Variants in MCMBP observed in about 807,000 individuals in gnomAD.
MCMBP encodes the protein mini-chromosome maintenance complex-binding protein.
A neutral mutation model predicts 81.3 loss-of-function variants in MCMBP; 31 were observed. The observed-to-expected ratio is 0.38, with a 90% CI of 0.29 to 0.51. The LOEUF (loss-of-function observed/expected upper bound fraction) is 0.51, where lower values mean the gene tolerates loss of function less well. Ranked by LOEUF, MCMBP falls within the 20% of genes least tolerant of loss-of-function variation. MCMBP has a pLI of 0.87. For synonymous variants in MCMBP, 267 were observed against 275.9 expected (o/e 0.97, Z 0.32); for missense variants, 645 against 772.1 (o/e 0.84, Z 1.95).
intron 13 of MCMBP, among the ~76,000 whole-genome samples, chr10:119,836,202 T>C (rs1252521492): frequency 6.6e-6 from 1 of 152,252 alleles, no homozygotes; most frequent in African/African-American, 2.4e-5. Flanking sequence ...AAGCTTTTTC[T>C]TGGTTACTTA....
At position 119,847,677 on chromosome 10, in the gene MCMBP, T is replaced by C; in HGVS notation, c.763A>G (p.Ile255Val). Reference protein sequence around the residue: ...EDWDCFKVNDILELYGILSVD... With the variant: ...EDWDCFKVNDVLELYGILSVD... ...GACAGTATGCCATATAGCTCAAGAATGTCATTTACTTTGAAACAATCCCAA... is the reference window on the plus strand; with the variant it reads ...GACAGTATGCCATATAGCTCAAGAACGTCATTTACTTTGAAACAATCCCAA... Residue 255 changes from isoleucine (I) to valine (V), a missense_variant, in exon 8 of 16, where the codon ATT becomes GTT. Transcript: ENST00000369077. 6.2e-7 allele frequency: 1 copy of C among 1,611,640 alleles called. No homozygotes were observed. Among genetic ancestry groups the C allele is most frequent in the Admixed American group, 1.7e-5 (1 of 59,970 alleles).
chr10:119,842,408 T>G (rs1852463901), intron 10 of MCMBP, 64 bp downstream of exon 10: 1 of 1,542,630 alleles, frequency 6.5e-7, no homozygotes, highest in Admixed American at 2.0e-5. Context: ...ACCAGCAATC[T>G]TCCCGCTCTT....
In MCMBP at chr10:119,830,022, A is replaced by G. The variant is rs1851948167; in HGVS notation, c.*1452T>C. The G allele has an allele frequency of 6.5e-6, 1 of 152,692 alleles. No homozygotes were observed. The highest frequency in any genetic ancestry group is 1.5e-5 in the Non-Finnish European group (1 of 68,046). 9.5% of individuals were successfully genotyped at this position (152,692 alleles called of 1,614,324 possible). A position where few individuals can be genotyped will look rare whatever the true frequency, so the allele number is the denominator to read the frequency against. On this transcript the variant is annotated 3_prime_UTR_variant, in exon 16 of 16. Coordinates refer to ENST00000369077, the MANE Select transcript of MCMBP (RefSeq NM_001256378.2). ...TAAAAGTTTAAGGAAGGTCTAGTCT[A>G]CCAGTTATAAAAATGAAAACCAGTT...
chr10:119,842,543 C>A lies in MCMBP; in HGVS notation c.1053G>T (p.Gly351=). Residue 351 remains glycine, a synonymous_variant, in exon 10 of 16, where the codon GGG becomes GGT. Coordinates refer to ENST00000369077, the MANE Select transcript of MCMBP (RefSeq NM_001256378.2). ...ELSPVRAELL[G]FLTHALLGDS... ...CCCCCAGAAGGGCATGAGTAAGGAA[C>A]CCAAGAAGTTCTGCTCTGACTGGAG... is the stretch of plus-strand genomic sequence containing the variant. 6.2e-7 allele frequency: 1 copy of A among 1,613,888 alleles called. No individual in the cohort carries two copies. The highest frequency in any genetic ancestry group is 1.1e-5 in the South Asian group (1 of 91,074).
Position 119,843,404 on chromosome 10 carries a change from G to T in MCMBP, c.850C>A (p.Pro284Thr). ...DERDASALLD[P>T]MECTDTAEEQ... The stretch of plus-strand genomic sequence containing the variant: ...TCTGCTGTGTCTGTGCACTCCATCG[G>T]ATCCAGCAGTGCAGAGGCATCCCTG... Residue 284 changes from proline (P) to threonine (T), a missense_variant, in exon 9 of 16, where the codon CCG becomes ACG. Coordinates refer to ENST00000369077, the MANE Select transcript of MCMBP (RefSeq NM_001256378.2). 6.2e-7 allele frequency: 1 copy of T among 1,613,864 alleles called. No individual in the cohort carries two copies.
chr10:119,849,488 C>T lies in MCMBP; in HGVS notation c.663G>A (p.Leu221=). Residue 221 remains leucine (L), a synonymous_variant, in exon 7 of 16, where the codon TTG becomes TTA. Coordinates refer to ENST00000369077, the MANE Select transcript of MCMBP (RefSeq NM_001256378.2). The part of the protein sequence containing the change: ...STGQQLNSLN[L]SSPFDLNFPL... Reference sequence around the variant, plus strand: ...GAAAATTCAAATCAAAAGGAGAAGACAAGTTCAGAGAGTTCAGCTGTTGCC... The same window carrying T: ...GAAAATTCAAATCAAAAGGAGAAGATAAGTTCAGAGAGTTCAGCTGTTGCC... The T allele has an allele frequency of 6.2e-7, 1 of 1,611,968 alleles. No individual in the cohort carries two copies. Among genetic ancestry groups the T allele is most frequent in the Non-Finnish European group, 8.5e-7 (1 of 1,179,386 alleles).
rs577420333 is a variant in MCMBP, at chr10:119,847,766, A to T, written c.727-53T>A. On this transcript the variant is annotated intron_variant, in intron 7 of 15. Transcript: ENST00000369077. ...TGTTAGAACAGACACAAAGCTTAAG[A>T]TATTAGTCTTGAAGTACCAATATCT... The T allele has an allele frequency of 1.8e-5, 19 of 1,085,686 alleles. No homozygotes were observed. In the East Asian group the frequency reaches 4.6e-4, roughly 26 times the overall value. The allele number at this position is 1,085,686 out of a possible 1,614,324, so 67.3% of individuals were successfully genotyped here.
chr10:119,832,042 T>C lies in MCMBP; in HGVS notation c.1766A>G (p.Asp589Gly). The C allele has an allele frequency of 3.7e-6, 6 of 1,613,156 alleles. No individual in the cohort carries two copies. Among genetic ancestry groups the C allele is most frequent in the Non-Finnish European group, 5.1e-6 (6 of 1,179,764 alleles). The change falls in exon 15 of 16, where the codon GAT (aspartate) becomes GGT (glycine). Residue 589 changes from aspartate (D) to glycine (G), a missense_variant. Coordinates refer to ENST00000369077, the MANE Select transcript of MCMBP (RefSeq NM_001256378.2). ...CACCACGAGCAGCTGGTGAAGATCA[T>C]CAGCAGTGATGCTCTGAGGGTCGTT... ...RKNDPQSITA[D>G]DLHQLLVVAR...
At chr10:119,861,669 T>C (rs1312443013) in intron 1 of MCMBP, among the ~76,000 whole-genome samples, 1 of 152,130 alleles carries the variant, frequency 6.6e-6, no homozygotes, top group Non-Finnish European at 1.5e-5. Context: ...ACATAACAAA[T>C]AGTAAAGCTA....
chr10:119,832,223 G>T, intron 14 of MCMBP, 123 bp from the exon 15 acceptor site: 2 of 676,992 alleles, frequency 3.0e-6, no homozygotes, highest in Admixed American at 6.5e-5. Flanking sequence ...CAATATGGGT[G>T]AAAGTACCAA....
rs1207001579 is a variant in MCMBP, at chr10:119,854,489, G to A, written c.430-1295C>T. Among the ~76,000 whole-genome samples the A allele has an allele frequency of 4.0e-5, 6 of 151,052 alleles. No homozygotes were observed. In the East Asian group the frequency reaches 7.8e-4, roughly 20 times the overall value. On this transcript the variant is annotated intron_variant, in intron 5 of 15. Transcript: ENST00000369077. ...AGGCTGAGGCGGGTAGATCACTTGA[G>A]CTCAGGAGTTCGAGACCAGCCTGGG...
intron 8 of MCMBP, among the ~76,000 whole-genome samples, chr10:119,846,165 A>T (rs1174047489): frequency 1.3e-5 from 2 of 152,226 alleles, no homozygotes; most frequent in African/African-American, 4.8e-5. Context: ...ATATGCCAGA[A>T]AATAAATGTT....
upstream of MCMBP, among the ~76,000 whole-genome samples, chr10:119,873,057 C>A (rs1003180867): frequency 1.3e-5 from 2 of 151,940 alleles, no homozygotes; most frequent in Non-Finnish European, 2.9e-5. Context: ...CCAAGGGCGG[C>A]GCGTTGTCGT....
At chr10:119,852,284 G>C (rs969514683) in intron 6 of MCMBP, among the ~76,000 whole-genome samples, 18 of 151,850 alleles carry the variant, frequency 1.2e-4, no homozygotes, top group African/African-American at 4.1e-4. Context: ...AAGGGAAGTG[G>C]ATAGCACATA....
chr10:119,843,037 G>C, intron 9 of MCMBP: 1 of 517,766 alleles, frequency 1.9e-6, no homozygotes. Context: ...ACAGGCGTGA[G>C]CCACTGCACC....
In MCMBP at chr10:119,830,224, G is replaced by GT. The variant is rs1266377314; in HGVS notation, c.*1249dup. ...CAATTTAGGCCTTATAGGAAAAAAC[G>GT]TAAGGGATCCTTTATCTGCCTCCAA... On this transcript the variant is annotated 3_prime_UTR_variant, in exon 16 of 16. Transcript: ENST00000369077. The GT allele has an allele frequency of 2.6e-5, 4 of 152,506 alleles. No individual in the cohort carries two copies. Among genetic ancestry groups the GT allele is most frequent in the Admixed American group, 6.5e-5 (1 of 15,282 alleles). The allele number at this position is 152,506 out of a possible 1,614,324, so 9.4% of individuals were successfully genotyped here.
chr10:119,863,979 G>T (rs2134401322), intron 1 of MCMBP, among the ~76,000 whole-genome samples: 1 of 151,542 alleles, frequency 6.6e-6, no homozygotes, highest in South Asian at 2.1e-4. Flanking sequence ...GTAGCAGATG[G>T]AATTAAGGTT....
intron 1 of MCMBP, among the ~76,000 whole-genome samples, chr10:119,871,130 A>C (rs1472243270): frequency 6.6e-6 from 1 of 152,072 alleles, no homozygotes; most frequent in Non-Finnish European, 1.5e-5. Context: ...TAAGCACCAA[A>C]CCTTTTTACT....
intron 8 of MCMBP, among the ~76,000 whole-genome samples, chr10:119,844,230 A>G (rs1181690714): frequency 6.6e-6 from 1 of 152,216 alleles, no homozygotes; most frequent in Admixed American, 6.5e-5. Context: ...TAGACAAGCA[A>G]TGAAAGTATG....
Sources: allele counts gnomAD v4.1 joint callset (sites outside exome capture counted in the v4.1 genomes callset), GRCh38; gene constraint gnomAD v4.1.1; transcripts MANE v1.5; gene names NCBI Gene and HGNC (gene_info 2026-07-23, HGNC 2026-07-21).